SPAG16: variants seen among roughly 807,000 people sequenced by gnomAD.
SPAG16 encodes sperm-associated antigen 16 protein.
SPAG16 carries 86 observed loss-of-function variants against 80.4 expected under a neutral mutation model. The ratio of observed to expected loss-of-function variants is 1.07; its 90% CI spans 0.90 to 1.28. SPAG16 has a LOEUF of 1.28. Among genes scored for constraint, SPAG16 ranks in the 50% most tolerant of loss-of-function variants. The pLI is 0.00. For missense variants in SPAG16, 870 were observed against 765.3 expected, an observed-to-expected ratio of 1.14 and a Z score of -1.61; for synonymous variants, 294 against 265.9, an observed-to-expected ratio of 1.11 and a Z score of -1.03.
At chr2:213,290,837 T>C (rs1272005392) in intron 1 of SPAG16, among the ~76,000 whole-genome samples, 1 of 152,212 alleles carries the variant, frequency 6.6e-6, no homozygotes, top group Admixed American at 6.5e-5. Flanking sequence ...AAGATTGTTA[T>C]CCAAAACAAT....
At chr2:213,348,022 A>C (rs1371056341) in intron 6 of SPAG16, among the ~76,000 whole-genome samples, 1 of 152,100 alleles carries the variant, frequency 6.6e-6, no homozygotes, top group Admixed American at 6.6e-5. Flanking sequence ...TGGGAGTCTA[A>C]GTCTTTTTGT....
intron 14 of SPAG16, among the ~76,000 whole-genome samples, chr2:214,143,467 G>T (rs1217497071): frequency 6.6e-6 from 1 of 151,842 alleles, no homozygotes; most frequent in Non-Finnish European, 1.5e-5. Context: ...ATCACAGTTT[G>T]ACTCATCATA....
At chr2:214,339,271 A>C (rs1697503443) in intron 15 of SPAG16, among the ~76,000 whole-genome samples, 1 of 152,240 alleles carries the variant, frequency 6.6e-6, no homozygotes, top group African/African-American at 2.4e-5. Context: ...CAGAAAACTG[A>C]AAAGACAAGT....
At chr2:213,338,805 T>C (rs1367359771) in intron 5 of SPAG16, among the ~76,000 whole-genome samples, 1 of 152,150 alleles carries the variant, frequency 6.6e-6, no homozygotes, top group East Asian at 1.9e-4. Context: ...AAGTGGGAGC[T>C]GAACAATCAA....
At chr2:214,157,729 A>T (rs1377538513) in intron 15 of SPAG16, among the ~76,000 whole-genome samples, 1 of 152,142 alleles carries the variant, frequency 6.6e-6, no homozygotes, top group Admixed American at 6.6e-5. Context: ...CAATTGCATG[A>T]TTTATGATAG....
chr2:214,338,272 T>G (rs971450716), intron 15 of SPAG16, among the ~76,000 whole-genome samples: 1 of 152,122 alleles, frequency 6.6e-6, no homozygotes, highest in African/African-American at 2.4e-5. Context: ...TCCCAGCACT[T>G]TGGGAGGCTG....
chr2:213,310,250 G>A (rs2063126579), intron 4 of SPAG16, 73 bp downstream of exon 4: 1 of 1,061,742 alleles, frequency 9.4e-7, no homozygotes, highest in African/African-American at 1.6e-5. Flanking sequence ...AGTGTCTTAG[G>A]AGACTTTGAA....
intron 15 of SPAG16, among the ~76,000 whole-genome samples, chr2:214,350,662 G>GGGAAGGC (rs1698343810): frequency 6.6e-6 from 1 of 152,064 alleles, no homozygotes; most frequent in African/African-American, 2.4e-5. Context: ...TCTACATGTT[G>GGGAAGGC]TCCCCTTGGA....
chr2:213,384,762 T>C (rs1019443838), intron 9 of SPAG16, among the ~76,000 whole-genome samples: 2 of 152,202 alleles, frequency 1.3e-5, no homozygotes, highest in Admixed American at 6.5e-5. Flanking sequence ...CTGCTCTCAG[T>C]ATCCTGATCA....
At chr2:213,920,728 C>T (rs1056644583) in intron 11 of SPAG16, among the ~76,000 whole-genome samples, 1 of 152,188 alleles carries the variant, frequency 6.6e-6, no homozygotes, top group East Asian at 1.9e-4. Flanking sequence ...GCAAGACCAC[C>T]ATGCAGAGTT....
intron 10 of SPAG16, among the ~76,000 whole-genome samples, chr2:213,555,644 A>T (rs1035926710): frequency 1.3e-5 from 2 of 152,208 alleles, no homozygotes; most frequent in African/African-American, 4.8e-5. Flanking sequence ...ATGAGACAAG[A>T]TACATACATT....
intron 14 of SPAG16, among the ~76,000 whole-genome samples, chr2:214,141,312 C>CA (rs1463172838): frequency 6.6e-6 from 1 of 151,696 alleles, no homozygotes; most frequent in Non-Finnish European, 1.5e-5. Flanking sequence ...ACTAAAAATA[C>CA]AAAAATTAGC....
At chr2:213,596,815 G>A (rs990245142) in intron 10 of SPAG16, among the ~76,000 whole-genome samples, 5 of 151,996 alleles carry the variant, frequency 3.3e-5, no homozygotes, top group African/African-American at 4.8e-5. Context: ...AATTAAACAC[G>A]TTGCCTTCAG....
At chr2:214,331,235 T>G (rs577010889) in intron 15 of SPAG16, among the ~76,000 whole-genome samples, 2 of 152,094 alleles carry the variant, frequency 1.3e-5, no homozygotes, top group Admixed American at 1.3e-4. Flanking sequence ...ATCACCTGGG[T>G]CCCAAACATA....
intron 14 of SPAG16, among the ~76,000 whole-genome samples, chr2:214,112,052 C>A (rs188876420): frequency 2.0e-5 from 3 of 152,272 alleles, no homozygotes; most frequent in Admixed American, 6.5e-5. Context: ...TCTAAATATA[C>A]AATCATGTCA....
At chr2:214,161,267 A>G (rs2056424729) in intron 15 of SPAG16, among the ~76,000 whole-genome samples, 1 of 152,100 alleles carries the variant, frequency 6.6e-6, no homozygotes, top group Non-Finnish European at 1.5e-5. Flanking sequence ...GCATATATGT[A>G]TATATGTATC....
In SPAG16 at chr2:214,410,494, T is replaced by C. The variant is rs1206211710; in HGVS notation, c.*179T>C. The C allele has an allele frequency of 6.4e-6, 3 of 470,480 alleles. No homozygotes were observed. The highest frequency in any genetic ancestry group is 1.1e-5 in the Non-Finnish European group (3 of 277,700). The allele number at this position is 470,480 out of a possible 1,614,324, so 29.1% of individuals were successfully genotyped here. On this transcript the variant is annotated 3_prime_UTR_variant, in exon 16 of 16. Transcript: ENST00000331683. ...ACTGTTACTAATAAAAAAATAACTT[T>C]ATGCTCACCCATTTGTGTCAGGGTC... is the stretch of plus-strand genomic sequence containing the variant.
Position 214,390,462 on chromosome 2 carries a change from C to A in SPAG16, c.1721-19678C>A, listed in dbSNP as rs538368555. 6.6e-5 allele frequency among the ~76,000 whole-genome samples: 10 copies of A among 151,984 alleles called. No homozygotes were observed. In the South Asian group the frequency reaches 2.1e-3, roughly 32 times the overall value. On this transcript the variant is annotated intron_variant, in intron 15 of 15. Transcript: ENST00000331683. Reference sequence around the variant, plus strand: ...GCTTCCTGGATGGCCAAACAATTGACTATTCTTCTACACCACTCAGCTCCC... The same window carrying A: ...GCTTCCTGGATGGCCAAACAATTGAATATTCTTCTACACCACTCAGCTCCC...
chr2:213,372,400 G>A (rs1396284134), intron 8 of SPAG16, among the ~76,000 whole-genome samples: 1 of 152,026 alleles, frequency 6.6e-6, no homozygotes, highest in African/African-American at 2.4e-5. Context: ...GGAAATAAAT[G>A]TCATATATAG....
Sources: gnomAD v4.1 joint callset for allele counts (sites outside exome capture counted in the v4.1 genomes callset) on GRCh38, gnomAD v4.1.1 for gene constraint, MANE v1.5 for transcripts, NCBI Gene and HGNC (gene_info 2026-07-23, HGNC 2026-07-21) for gene names.